The following FNDC3B variants were observed in gnomAD, a reference collection of about 807,000 sequenced individuals.
FNDC3B encodes fibronectin type III domain-containing protein 3B.
Under a neutral mutation model 151.5 loss-of-function variants are expected in FNDC3B, and 12 were observed. The ratio of observed to expected loss-of-function variants is 0.08; its 90% CI spans 0.05 to 0.13. The LOEUF is 0.13. Ranked by LOEUF, FNDC3B falls within the 10% of genes least tolerant of loss-of-function variation. FNDC3B has a pLI of 1.00. For missense variants in FNDC3B, 1,214 were observed against 1,505.3 expected, an observed-to-expected ratio of 0.81 and a Z score of 3.20; for synonymous variants, 528 against 549.0, an observed-to-expected ratio of 0.96 and a Z score of 0.54.
At chr3:172,053,111 C>T (rs1249409335) in intron 1 of FNDC3B, among the ~76,000 whole-genome samples, 2 of 152,084 alleles carry the variant, frequency 1.3e-5, no homozygotes, top group African/African-American at 4.8e-5. Context: ...TGTGTGTATA[C>T]ATCCATTTAT....
intron 13 of FNDC3B, among the ~76,000 whole-genome samples, chr3:172,332,580 T>C (rs531922326): frequency 1.2e-4 from 19 of 152,308 alleles, no homozygotes; most frequent in Non-Finnish European, 2.6e-4. Context: ...GAGTGAATGA[T>C]AGAATGATAG....
intron 3 of FNDC3B, among the ~76,000 whole-genome samples, chr3:172,150,103 C>T (rs1722145037): frequency 1.3e-5 from 2 of 152,064 alleles, no homozygotes; most frequent in African/African-American, 4.8e-5. Flanking sequence ...AGGTGTGAGC[C>T]ACCACGCCCA....
rs548454092 is a variant in FNDC3B, at chr3:172,107,254, A to T, written c.-28-5198A>T. Among the ~76,000 whole-genome samples, 4 of 152,330 alleles carry T rather than the reference A, an allele frequency of 2.6e-5. No homozygotes were observed. In the East Asian group the frequency reaches 7.7e-4, roughly 29 times the overall value. Reference sequence around the variant, plus strand: ...TGTGGTTGTTACCAAATTCTTTGAAATGGAAGTATGGGTACAAACAAAATA... The same window carrying T: ...TGTGGTTGTTACCAAATTCTTTGAATTGGAAGTATGGGTACAAACAAAATA... On this transcript the variant is annotated intron_variant, in intron 1 of 25. Coordinates refer to ENST00000415807, the MANE Select transcript of FNDC3B (RefSeq NM_022763.4).
chr3:172,057,141 T>G (rs1347250528), intron 1 of FNDC3B, among the ~76,000 whole-genome samples: 1 of 152,016 alleles, frequency 6.6e-6, no homozygotes, highest in Non-Finnish European at 1.5e-5. Flanking sequence ...TAAAGGGGAG[T>G]CACTCCCTCC....
chr3:172,046,323 C>T (rs568930229), intron 1 of FNDC3B, among the ~76,000 whole-genome samples: 5 of 152,076 alleles, frequency 3.3e-5, no homozygotes, highest in African/African-American at 1.2e-4. Flanking sequence ...GACATTGGCT[C>T]CTAATTTTTT....
Position 172,218,134 on chromosome 3 carries a change from G to GA in FNDC3B, c.188-8712dup, listed in dbSNP as rs57576493. Among the ~76,000 whole-genome samples, 554 of 62,628 alleles carry GA rather than the reference G, an allele frequency of 8.8e-3. 7 individuals carry two copies. Among genetic ancestry groups the GA allele is most frequent in the African/African-American group, 0.021 (368 of 17,194 alleles). 41.1% of individuals were successfully genotyped at this position (62,628 alleles called of 152,430 possible). On this transcript the variant is annotated intron_variant, in intron 3 of 25. Transcript: ENST00000415807. ...AGAAACGGAGAAGATCGACTTTCAG[G>GA]AAAAAAAAAAAAAAAAAAAAAAAAA...
In FNDC3B at chr3:172,396,709, G is replaced by C. The variant is rs76109988; in HGVS notation, c.3304-455G>C. On this transcript the variant is annotated intron_variant, in intron 25 of 25. Coordinates refer to ENST00000415807, the MANE Select transcript of FNDC3B (RefSeq NM_022763.4). ...GCGTATTGTGAACTGTGTATACGAGGGATCTAGGTTGTGCACTCCTCATGC... is the reference window on the plus strand; with the variant it reads ...GCGTATTGTGAACTGTGTATACGAGCGATCTAGGTTGTGCACTCCTCATGC... Among the ~76,000 whole-genome samples, 95 of 152,288 alleles carry C rather than the reference G, an allele frequency of 6.2e-4. 1 individual carries two copies. The East Asian group carries it at 0.017, about 27-fold the overall frequency.
At chr3:172,265,347 CAG>C (rs1728871501) in intron 6 of FNDC3B, among the ~76,000 whole-genome samples, 4 of 152,096 alleles carry the variant, frequency 2.6e-5, no homozygotes, top group African/African-American at 9.7e-5. Context: ...GGAGAGAAAA[CAG>C]TGAACATCAA....
chr3:172,097,640 A>G (rs1719157471), intron 1 of FNDC3B, among the ~76,000 whole-genome samples: 1 of 152,252 alleles, frequency 6.6e-6, no homozygotes, highest in South Asian at 2.1e-4. Context: ...TAAGTTAAGC[A>G]TTAACATTTT....
intron 3 of FNDC3B, among the ~76,000 whole-genome samples, chr3:172,141,875 C>T (rs1379374753): frequency 1.3e-5 from 2 of 151,998 alleles, no homozygotes; most frequent in South Asian, 4.1e-4. Flanking sequence ...TGTTTCCATA[C>T]TTGTTAAAAT....
intron 1 of FNDC3B, among the ~76,000 whole-genome samples, chr3:172,068,543 C>T (rs78848830): frequency 6.6e-6 from 1 of 151,456 alleles, no homozygotes; most frequent in Non-Finnish European, 1.5e-5. Flanking sequence ...CCTGCCTCAG[C>T]CTGCTGAGTG....
intron 1 of FNDC3B, among the ~76,000 whole-genome samples, chr3:172,107,806 G>A (rs947692836): frequency 1.3e-5 from 2 of 152,038 alleles, no homozygotes; most frequent in Non-Finnish European, 2.9e-5. Context: ...CAATCTGGCC[G>A]CTCAGCCCAA....
chr3:172,214,935 A>C (rs1725901274), intron 3 of FNDC3B, among the ~76,000 whole-genome samples: 1 of 152,266 alleles, frequency 6.6e-6, no homozygotes, highest in South Asian at 2.1e-4. Context: ...CTAAAGCAAC[A>C]ATAATTGAAA....
intron 3 of FNDC3B, among the ~76,000 whole-genome samples, chr3:172,164,699 A>G (rs933796685): frequency 6.6e-6 from 1 of 152,206 alleles, no homozygotes; most frequent in African/African-American, 2.4e-5. Flanking sequence ...ATGAGAGCAA[A>G]GTTTCATAAT....
At chr3:172,278,799 C>A (rs1729559969) in intron 6 of FNDC3B, among the ~76,000 whole-genome samples, 1 of 152,052 alleles carries the variant, frequency 6.6e-6, no homozygotes, top group Non-Finnish European at 1.5e-5. Context: ...TAGTGGCGCA[C>A]ACTCGTAATC....
chr3:172,207,078 T>G (rs1252884952), intron 3 of FNDC3B, among the ~76,000 whole-genome samples: 1 of 130,968 alleles, frequency 7.6e-6, no homozygotes, highest in Non-Finnish European at 1.8e-5. Context: ...AGAGGCAATT[T>G]CACACCCAGA....
intron 1 of FNDC3B, among the ~76,000 whole-genome samples, chr3:172,068,406 G>GC (rs1320845979): frequency 6.7e-6 from 1 of 148,780 alleles, no homozygotes; most frequent in African/African-American, 2.5e-5. Flanking sequence ...CAAGTATTTG[G>GC]ACACTTTGTG....
At chr3:172,174,426 A>T (rs1293322186) in intron 3 of FNDC3B, among the ~76,000 whole-genome samples, 1 of 152,222 alleles carries the variant, frequency 6.6e-6, no homozygotes, top group African/African-American at 2.4e-5. Context: ...CATGAAAACC[A>T]TCTATTTAAA....
chr3:172,327,229 G>A (rs1426803715), intron 11 of FNDC3B, among the ~76,000 whole-genome samples: 1 of 152,062 alleles, frequency 6.6e-6, no homozygotes, highest in Non-Finnish European at 1.5e-5. Context: ...CCCCCAACTC[G>A]GCCACCAAGT....
Sources: gnomAD v4.1 joint callset for allele counts (sites outside exome capture counted in the v4.1 genomes callset) on GRCh38, gnomAD v4.1.1 for gene constraint, MANE v1.5 for transcripts, NCBI Gene and HGNC (gene_info 2026-07-23, HGNC 2026-07-21) for gene names.